Variants in DPP4 observed in about 807,000 individuals in gnomAD.
DPP4 encodes dipeptidyl peptidase 4, also known as ADCP-2.
A neutral mutation model predicts 122.4 loss-of-function variants in DPP4; 93 were observed. The ratio of observed to expected loss-of-function variants is 0.76; its 90% CI spans 0.64 to 0.90. The LOEUF (loss-of-function observed/expected upper bound fraction) is 0.90, where lower values mean the gene tolerates loss of function less well. Among genes scored for constraint, DPP4 ranks in the 40% least tolerant of loss-of-function variants. DPP4 has a pLI of 0.00. For missense variants in DPP4, 914 were observed against 907.3 expected, an observed-to-expected ratio of 1.01 and a Z score of -0.09; for synonymous variants, 321 against 302.9, an observed-to-expected ratio of 1.06 and a Z score of -0.62.
chr2:161,994,603 G>A (rs984318277), intron 25 of DPP4, among the ~76,000 whole-genome samples: 2 of 152,178 alleles, frequency 1.3e-5, no homozygotes, highest in African/African-American at 2.4e-5. Context: ...TCATATTTGA[G>A]CTGAGCTATT....
At chr2:162,000,765 G>A (rs1395807698) in intron 23 of DPP4, among the ~76,000 whole-genome samples, 2 of 152,152 alleles carry the variant, frequency 1.3e-5, no homozygotes, top group Non-Finnish European at 2.9e-5. Context: ...TCCCTTCTGT[G>A]TGTTCCAGGC....
intron 3 of DPP4, 111 bp downstream of exon 3, chr2:162,047,292 A>G: frequency 6.6e-6 from 4 of 608,170 alleles, no homozygotes; most frequent in Non-Finnish European, 1.1e-5. Context: ...AACTCTCTAT[A>G]GAATTTTTAA....
intron 19 of DPP4, 111 bp from the exon 20 acceptor site, chr2:162,012,098 T>A: frequency 9.2e-7 from 1 of 1,085,992 alleles, no homozygotes; most frequent in Non-Finnish European, 1.3e-6. Context: ...TCATGAGCCT[T>A]AAACTGTGCC....
At position 162,011,913 on chromosome 2, in the gene DPP4, T is replaced by C; in HGVS notation, c.1712A>G (p.Glu571Gly). The C allele has an allele frequency of 6.2e-7, 1 of 1,613,836 alleles. No homozygotes were observed. The highest frequency in any genetic ancestry group is 8.5e-7 in the Non-Finnish European group (1 of 1,179,762). The change falls in exon 20 of 26, where the codon GAA (glutamate) becomes GGA (glycine). Residue 571 changes from glutamate (E) to glycine (G), a missense_variant. Coordinates refer to ENST00000360534, the MANE Select transcript of DPP4 (RefSeq NM_001935.4). Reference protein sequence around the residue: ...LNWATYLASTENIIVASFDGR... With the variant: ...LNWATYLASTGNIIVASFDGR... ...ATCAAAGCTAGCTACTATAATGTTT[T>C]CTGTGCTTGCAAGGTAAGTGGCCCA...
chr2:162,066,526 T>C (rs917639507), intron 2 of DPP4, among the ~76,000 whole-genome samples: 3 of 152,214 alleles, frequency 2.0e-5, no homozygotes, highest in Non-Finnish European at 4.4e-5. Flanking sequence ...CCATCTGAAA[T>C]TATTTCTGCA....
chr2:162,005,810 C>T lies in DPP4; in HGVS notation c.1988-1G>A. The T allele has an allele frequency of 6.2e-7, 1 of 1,610,484 alleles. No individual in the cohort carries two copies. The highest frequency in any genetic ancestry group is 8.5e-7 in the Non-Finnish European group (1 of 1,178,738). ...ATGTAACGTTCTGTGTACACTGAGT[C>T]TGTGAAAGAAAAAAAAATAAAAAAA... On this transcript the variant is annotated splice_acceptor_variant, in intron 22 of 25. Transcript: ENST00000360534. LOFTEE classifies it high-confidence loss of function.
intron 5 of DPP4, among the ~76,000 whole-genome samples, chr2:162,041,330 C>T (rs776865514): frequency 2.6e-4 from 39 of 152,008 alleles, no homozygotes; most frequent in Non-Finnish European, 5.0e-4. Context: ...TCTTTGGATG[C>T]CTGGAGTCTA....
intron 2 of DPP4, among the ~76,000 whole-genome samples, chr2:162,048,662 C>A (rs1043832140): frequency 1.3e-5 from 2 of 152,156 alleles, no homozygotes; most frequent in African/African-American, 4.8e-5. Context: ...CCCTGCTTTC[C>A]TGGTTGTCAT....
intron 23 of DPP4, among the ~76,000 whole-genome samples, chr2:161,997,716 T>A (rs931931471): frequency 1.3e-5 from 2 of 152,204 alleles, no homozygotes; most frequent in African/African-American, 4.8e-5. Flanking sequence ...AAGCATCACA[T>A]ATAAATAAGG....
intron 23 of DPP4, among the ~76,000 whole-genome samples, chr2:162,003,876 G>A (rs1281149680): frequency 6.6e-6 from 1 of 152,122 alleles, no homozygotes; most frequent in Non-Finnish European, 1.5e-5. Context: ...ACTGAAGAGG[G>A]GAAAATTCAG....
intron 23 of DPP4, among the ~76,000 whole-genome samples, chr2:162,003,952 A>AAAAGGGGATTCC (rs1405889747): frequency 6.6e-6 from 1 of 152,204 alleles, no homozygotes; most frequent in African/African-American, 2.4e-5. Context: ...GGAAACTATC[A>AAAAGGGGATTCC]AAAGGGGATT....
Position 162,020,315 on chromosome 2 carries a change from T to TC in DPP4, c.1177-20_1177-19insG. 6.7e-7 allele frequency: 1 copy of TC among 1,491,522 alleles called. No individual in the cohort carries two copies. The highest frequency in any genetic ancestry group is 9.0e-7 in the Non-Finnish European group (1 of 1,114,070). The allele number at this position is 1,491,522 out of a possible 1,614,324, so 92.4% of individuals were successfully genotyped here. ...TGCAGTCCTGATGGTTTTTTTTTTT[T>TC]TTCAAAAAAAAAAAAAAGATTGATT... On this transcript the variant is annotated intron_variant, in intron 13 of 25. Coordinates refer to ENST00000360534, the MANE Select transcript of DPP4 (RefSeq NM_001935.4).
At chr2:162,068,692 T>A (rs946331971) in intron 2 of DPP4, among the ~76,000 whole-genome samples, 4 of 152,178 alleles carry the variant, frequency 2.6e-5, no homozygotes, top group African/African-American at 7.2e-5. Context: ...CTAAGTATAA[T>A]TTAGTGCAAG....
At chr2:162,032,482 C>T (rs1447888578) in intron 10 of DPP4, among the ~76,000 whole-genome samples, 5 of 151,986 alleles carry the variant, frequency 3.3e-5, no homozygotes, top group Admixed American at 3.3e-4. Context: ...GTCAGGAGTT[C>T]GAGACCAGCC....
chr2:162,073,445 C>T lies in DPP4; in HGVS notation c.48G>A (p.Ala16=), dbSNP rs148524083. The change falls in exon 2 of 26, where the codon GCG becomes GCA. Residue 16 remains alanine (A), a synonymous_variant. Transcript: ENST00000360534. ...KVLLGLLGAA[A]LVTIITVPVV... Reference sequence around the variant, plus strand: ...CGGGCACGGTGATGATGGTGACAAGCGCAGCAGCACCCAGCAGTCCCAGAA... The same window carrying T: ...CGGGCACGGTGATGATGGTGACAAGTGCAGCAGCACCCAGCAGTCCCAGAA... The T allele has an allele frequency of 3.4e-3, 5,506 of 1,614,082 alleles. 15 individuals carry two copies. The highest frequency in any genetic ancestry group is 4.2e-3 in the Non-Finnish European group (4,940 of 1,180,024).
intron 2 of DPP4, among the ~76,000 whole-genome samples, chr2:162,071,268 G>GGCATTT (rs1685106160): frequency 6.6e-6 from 1 of 152,064 alleles, no homozygotes; most frequent in Non-Finnish European, 1.5e-5. Flanking sequence ...TGAAACACAG[G>GGCATTT]GCATTTGCAT....
At chr2:162,033,162 A>G (rs974212408) in intron 10 of DPP4, among the ~76,000 whole-genome samples, 1 of 152,062 alleles carries the variant, frequency 6.6e-6, no homozygotes, top group African/African-American at 2.4e-5. Context: ...CATTTTATCC[A>G]TGAGGATTCC....
intron 2 of DPP4, among the ~76,000 whole-genome samples, chr2:162,053,578 C>A (rs751984940): frequency 1.3e-5 from 2 of 152,228 alleles, no homozygotes; most frequent in African/African-American, 2.4e-5. Context: ...AAAAAAGGAG[C>A]CTTGGGCACC....
intron 1 of DPP4, 134 bp downstream of exon 1, chr2:162,073,842 G>T: frequency 1.6e-6 from 2 of 1,235,244 alleles, no homozygotes; most frequent in Non-Finnish European, 2.2e-6. Flanking sequence ...CCCTTCACCT[G>T]TCAGAGGGTG....
Sources: gnomAD v4.1 joint callset for allele counts (sites outside exome capture counted in the v4.1 genomes callset) on GRCh38, gnomAD v4.1.1 for gene constraint, MANE v1.5 for transcripts, NCBI Gene and HGNC (gene_info 2026-07-23, HGNC 2026-07-21) for gene names.